KIF13A: variants seen among roughly 807,000 people sequenced by gnomAD.
KIF13A encodes the protein kinesin-like protein KIF13A.
KIF13A carries 79 observed loss-of-function variants against 212.2 expected under a neutral mutation model. That is an observed-to-expected ratio of 0.37 (90% CI 0.31 to 0.45). The LOEUF is 0.45. Among genes scored for constraint, KIF13A ranks in the 20% least tolerant of loss-of-function variants. The pLI, the probability that KIF13A is intolerant of heterozygous loss-of-function variation, is 1.00. For missense variants in KIF13A, 1,901 were observed against 2,209.0 expected (o/e 0.86, Z 2.79); for synonymous variants, 789 against 808.6 (o/e 0.98, Z 0.41).
rs370736619 is a variant in KIF13A at position 17,780,768 on chromosome 6, A to T, written c.3808T>A (p.Leu1270Ile). The change falls in exon 31 of 39, where the codon TTA becomes ATA. Residue 1270 changes from leucine to isoleucine, a missense_variant. Physicochemically the swap from Leu to Ile is conservative, Grantham distance 5. Around this residue, in one of 5 missense-constraint regions of KIF13A, gnomAD observed 687 missense variants for 759.1 expected, o/e 0.90. Coordinates refer to ENST00000259711, the MANE Select transcript of KIF13A (RefSeq NM_022113.6). The stretch of plus-strand genomic sequence containing the variant: ...ATATTGGCTGCAATTCGTTTTCGTA[A>T]TACTAACTCCATAGCAGCAGGGTGG... ...LSHPAAMELV[L>I]RKRIAANIYN... 6.2e-7 allele frequency: 1 copy of T among 1,614,040 alleles called. No individual in the cohort carries two copies. The highest frequency in any genetic ancestry group is 2.2e-5 in the East Asian group (1 of 44,882).
intron 2 of KIF13A, among the ~76,000 whole-genome samples, chr6:17,974,935 T>C (rs1267798891): frequency 6.6e-6 from 1 of 152,240 alleles, no homozygotes; most frequent in African/African-American, 2.4e-5. Context: ...ACAGTGAAGA[T>C]ATAGCATATT....
rs1166752372 is a variant in KIF13A at position 17,764,194 on chromosome 6, G to A, written c.5334C>T (p.His1778=). ...ACTTGGAATGCAGCTGGCTGGGGTGGTGGAGCCCATCGGAGACAGTCTTGC... is the reference window on the plus strand; with the variant it reads ...ACTTGGAATGCAGCTGGCTGGGGTGATGGAGCCCATCGGAGACAGTCTTGC... ...TGGKTVSDGL[H]HPSQLHSKLE... Residue 1778 remains histidine (H), a synonymous_variant, in exon 39 of 39, where the codon CAC becomes CAT. Coordinates refer to ENST00000259711, the MANE Select transcript of KIF13A (RefSeq NM_022113.6). This position sits in a 1 kb window ranked among gnomAD's most constrained non-coding sequence, Gnocchi z 5.1. 4 of 1,613,896 alleles carry A rather than the reference G, an allele frequency of 2.5e-6. No homozygotes were observed. The highest frequency in any genetic ancestry group is 2.7e-5 in the African/African-American group (2 of 74,926).
chr6:17,891,957 T>A (rs750137034), intron 3 of KIF13A, among the ~76,000 whole-genome samples: 2 of 152,158 alleles, frequency 1.3e-5, no homozygotes, highest in Non-Finnish European at 2.9e-5. Flanking sequence ...TTCCACTTAA[T>A]CCTGTTTTCC....
intron 4 of KIF13A, among the ~76,000 whole-genome samples, chr6:17,862,515 G>A (rs74987169): frequency 0.082 from 12,515 of 152,062 alleles, 615 homozygotes; most frequent in Non-Finnish European, 0.11. Flanking sequence ...AAGATAAAAG[G>A]AAAAAGGTCA....
At position 17,771,307 on chromosome 6, in the gene KIF13A, T is replaced by C; in HGVS notation, c.4477-89A>G. The stretch of plus-strand genomic sequence containing the variant: ...AAGTACATGCAAGTTAGAAAAGCAA[T>C]GCTAACACTCTTATTACATGTGAGT... On this transcript the variant is annotated intron_variant, in intron 37 of 38. Coordinates refer to ENST00000259711, the MANE Select transcript of KIF13A (RefSeq NM_022113.6). This position sits in a 1 kb window ranked among gnomAD's most constrained non-coding sequence, Gnocchi z 5.4. The C allele has an allele frequency of 1.3e-6, 1 of 794,690 alleles. No individual in the cohort carries two copies. Among genetic ancestry groups the C allele is most frequent in the Non-Finnish European group, 2.1e-6 (1 of 469,628 alleles). 49.2% of individuals were successfully genotyped at this position (794,690 alleles called of 1,614,324 possible). A position where few individuals can be genotyped will look rare whatever the true frequency, so the allele number is the denominator to read the frequency against.
rs1218675366 is a variant in KIF13A, at chr6:17,816,279, C to T, written c.2000+741G>A. On this transcript the variant is annotated intron_variant, in intron 17 of 38. Coordinates refer to ENST00000259711, the MANE Select transcript of KIF13A (RefSeq NM_022113.6). This position sits in a 1 kb window ranked among gnomAD's most constrained non-coding sequence, Gnocchi z 4.3. ...AGTGTGGTGGCATGATCGCAGCTCA[C>T]TAAAGCCTTGATCTCTGGGGCTCAA... 2.6e-5 allele frequency among the ~76,000 whole-genome samples: 4 copies of T among 152,086 alleles called. No homozygotes were observed. Among genetic ancestry groups the T allele is most frequent in the African/African-American group, 7.2e-5 (3 of 41,422 alleles).
chr6:17,814,167 G>A (rs1291044890), intron 17 of KIF13A, among the ~76,000 whole-genome samples: 1 of 151,242 alleles, frequency 6.6e-6, no homozygotes, highest in Non-Finnish European at 1.5e-5. Flanking sequence ...TAGCCAGGAT[G>A]GTCTTGATCT....
intron 9 of KIF13A, among the ~76,000 whole-genome samples, chr6:17,842,007 G>GCA (rs1766570132): frequency 7.4e-6 from 1 of 135,858 alleles, no homozygotes; most frequent in African/African-American, 2.8e-5. Flanking sequence ...ATACGTGTGT[G>GCA]TGTGTGTGTG....
At position 17,837,774 on chromosome 6, in the gene KIF13A, A is replaced by G. The variant is rs1766105729; in HGVS notation, c.831-191T>C. Among the ~76,000 whole-genome samples, 1 of 151,970 alleles carries G rather than the reference A, an allele frequency of 6.6e-6. No individual in the cohort carries two copies. The highest frequency in any genetic ancestry group is 1.5e-5 in the Non-Finnish European group (1 of 67,992). ...TGAGACCACCCTGGCCAACATGGTG[A>G]AACTCTGTCTCTACTAAAAATACAA... On this transcript the variant is annotated intron_variant, in intron 9 of 38. Coordinates refer to ENST00000259711, the MANE Select transcript of KIF13A (RefSeq NM_022113.6). This position sits in a 1 kb window ranked among gnomAD's most constrained non-coding sequence, Gnocchi z 5.4.
rs572749360 is a variant in KIF13A, at chr6:17,809,154, G to A, written c.2001-224C>T. On this transcript the variant is annotated intron_variant, in intron 17 of 38. Coordinates refer to ENST00000259711, the MANE Select transcript of KIF13A (RefSeq NM_022113.6). The surrounding 1 kb of genome is among the most constrained non-coding windows in gnomAD (Gnocchi z 4.7). ...GTTGAGCAACTTAACTGAAAACCAC[G>A]TTTTAAATTATGTAACACGTGAAAA... Among the ~76,000 whole-genome samples the A allele has an allele frequency of 3.3e-5, 5 of 152,236 alleles. No individual in the cohort carries two copies. In the South Asian group the frequency reaches 1.0e-3, roughly 32 times the overall value.
At chr6:17,759,207 A>C (rs1758482143), downstream of KIF13A, 1 of 152,208 alleles carries the variant, frequency 6.6e-6, no homozygotes. Flanking sequence ...GTTAGATTTG[A>C]AACTAAAGGC....
chr6:17,984,616 A>G lies in KIF13A; in HGVS notation c.146+2438T>C, dbSNP rs960744037. The G allele has an allele frequency of 2.3e-6, 2 of 863,654 alleles. No homozygotes were observed. The highest frequency in any genetic ancestry group is 3.7e-5 in the African/African-American group (2 of 53,974). 53.5% of individuals were successfully genotyped at this position (863,654 alleles called of 1,614,324 possible). A position where few individuals can be genotyped will look rare whatever the true frequency, so the allele number is the denominator to read the frequency against. ...TTTTTTTTTCCCTGGACGTCAATGCATTCTCACTTGTTTTTACTGGTAAGA... is the reference window on the plus strand; with the variant it reads ...TTTTTTTTTCCCTGGACGTCAATGCGTTCTCACTTGTTTTTACTGGTAAGA... On this transcript the variant is annotated intron_variant, in intron 2 of 38. Transcript: ENST00000259711. This position sits in a 1 kb window ranked among gnomAD's most constrained non-coding sequence, Gnocchi z 5.0.
At chr6:17,859,380 G>A (rs1004120368) in intron 4 of KIF13A, among the ~76,000 whole-genome samples, 2 of 151,564 alleles carry the variant, frequency 1.3e-5, no homozygotes, top group East Asian at 3.9e-4. Flanking sequence ...AGGTGGGAGG[G>A]TGGCTTGAGG....
In KIF13A at chr6:17,825,613, A is replaced by G. The variant is rs780193535; in HGVS notation, c.1786+155T>C. On this transcript the variant is annotated intron_variant, in intron 16 of 38. Coordinates refer to ENST00000259711, the MANE Select transcript of KIF13A (RefSeq NM_022113.6). The surrounding 1 kb of genome is among the most constrained non-coding windows in gnomAD (Gnocchi z 4.5). ...AAGACCATCTCCCCCACATCTTGTCATTAGTTATTCACTGATGGCCTTTTA... is the reference window on the plus strand; with the variant it reads ...AAGACCATCTCCCCCACATCTTGTCGTTAGTTATTCACTGATGGCCTTTTA... Among the ~76,000 whole-genome samples the G allele has an allele frequency of 6.6e-5, 10 of 152,190 alleles. No homozygotes were observed. Among genetic ancestry groups the G allele is most frequent in the Non-Finnish European group, 5.9e-5 (4 of 68,030 alleles).
intron 2 of KIF13A, among the ~76,000 whole-genome samples, chr6:17,952,999 G>GA (rs1217210604): frequency 1.3e-5 from 2 of 152,016 alleles, no homozygotes; most frequent in African/African-American, 4.8e-5. Context: ...GACCGGAGGG[G>GA]AGAGATGGTT....
chr6:17,874,051 A>G (rs1770265812), intron 3 of KIF13A, among the ~76,000 whole-genome samples: 1 of 152,178 alleles, frequency 6.6e-6, no homozygotes, highest in East Asian at 1.9e-4. Flanking sequence ...AAACAAAAAC[A>G]ATATCTTCTC....
chr6:17,901,933 G>T (rs1773090120), intron 2 of KIF13A, among the ~76,000 whole-genome samples: 1 of 152,170 alleles, frequency 6.6e-6, no homozygotes, highest in Non-Finnish European at 1.5e-5. Flanking sequence ...GGAGGCAGAG[G>T]TTGCAGTTAG....
At chr6:17,952,228 CG>C (rs1561797211) in intron 2 of KIF13A, among the ~76,000 whole-genome samples, 1 of 150,676 alleles carries the variant, frequency 6.6e-6, no homozygotes. Context: ...GGCATGAACC[CG>C]GAAGGCAGAG....
chr6:17,929,243 G>A (rs1263420482), intron 2 of KIF13A, among the ~76,000 whole-genome samples: 1 of 151,896 alleles, frequency 6.6e-6, no homozygotes, highest in Non-Finnish European at 1.5e-5. Flanking sequence ...AAGGTGGGGG[G>A]CGCATGGGGA....
Sources: allele counts gnomAD v4.1 joint callset (sites outside exome capture counted in the v4.1 genomes callset), GRCh38; gene constraint gnomAD v4.1.1; regional missense constraint gnomAD v4.1.1; non-coding constraint Gnocchi (gnomAD v3.1); transcripts MANE v1.5; gene names NCBI Gene and HGNC (gene_info 2026-07-23, HGNC 2026-07-21).